The following CREB5 variants were observed in gnomAD, a reference collection of about 807,000 sequenced individuals.
CREB5 encodes cAMP responsive element binding protein 5.
Under a neutral mutation model 57.1 loss-of-function variants are expected in CREB5, and 19 were observed. The ratio of observed to expected loss-of-function variants is 0.33; its 90% CI spans 0.23 to 0.49. The LOEUF is 0.49. Among genes scored for constraint, CREB5 ranks in the 20% least tolerant of loss-of-function variants. The probability of loss-of-function intolerance (pLI) is 0.99; values close to 1 mark genes in which losing one functional copy is unlikely to be tolerated. For synonymous variants in CREB5, 238 were observed against 238.3 expected (o/e 1.00, Z 0.01); for missense variants, 579 against 671.6 (o/e 0.86, Z 1.52).
At chr7:28,434,716 C>G (rs1788874498) in intron 1 of CREB5, among the ~76,000 whole-genome samples, 1 of 152,126 alleles carries the variant, frequency 6.6e-6, no homozygotes, top group Non-Finnish European at 1.5e-5. Context: ...AAGACTATTA[C>G]AGTTTACCTA....
chr7:28,762,778 A>T (rs1805734170), intron 7 of CREB5, among the ~76,000 whole-genome samples: 2 of 151,896 alleles, frequency 1.3e-5, no homozygotes, highest in Non-Finnish European at 2.9e-5. Context: ...CCTCGATACA[A>T]TATGAAACTG....
intron 1 of CREB5, among the ~76,000 whole-genome samples, chr7:28,345,703 G>A (rs1786044988): frequency 6.6e-6 from 1 of 152,204 alleles, no homozygotes; most frequent in Admixed American, 6.5e-5. Context: ...GGCAAGTCGG[G>A]AGGTGATTGG....
At chr7:28,397,379 A>C (rs989536406) in intron 1 of CREB5, among the ~76,000 whole-genome samples, 1 of 152,200 alleles carries the variant, frequency 6.6e-6, no homozygotes, top group South Asian at 2.1e-4. Flanking sequence ...TGGGTCGGAC[A>C]TGAAAAGATA....
chr7:28,560,839 T>TGCGCGTGC (rs1266751699), intron 4 of CREB5, among the ~76,000 whole-genome samples: 3 of 96,456 alleles, frequency 3.1e-5, no homozygotes, highest in African/African-American at 4.2e-5. Context: ...CGCGCGTGTG[T>TGCGCGTGC]GTGTGCGCGT....
In CREB5 at chr7:28,805,542, G is replaced by A. The variant is rs147174784; in HGVS notation, c.1026+1020G>A. On this transcript the variant is annotated intron_variant, in intron 8 of 10. Coordinates refer to ENST00000357727, the MANE Select transcript of CREB5 (RefSeq NM_182898.4). ...CCTCTGGAGACGTGACTTTATACCC[G>A]GCAGCTTTTTGAACTCTTGAGCCCC... Among the ~76,000 whole-genome samples the A allele has an allele frequency of 7.6e-3, 1,159 of 152,154 alleles. 17 individuals carry two copies. The highest frequency in any genetic ancestry group is 0.026 in the African/African-American group (1,069 of 41,470).
intron 8 of CREB5, among the ~76,000 whole-genome samples, chr7:28,805,622 A>G (rs1201333841): frequency 1.3e-5 from 2 of 152,344 alleles, no homozygotes; most frequent in East Asian, 3.9e-4. Context: ...GGTCAGGCAC[A>G]AGCAACTCTC....
At chr7:28,670,388 G>A (rs557846167) in intron 5 of CREB5, among the ~76,000 whole-genome samples, 4 of 152,214 alleles carry the variant, frequency 2.6e-5, no homozygotes, top group Non-Finnish European at 2.9e-5. Context: ...AAACCAAGCT[G>A]TGAATAAGGC....
At chr7:28,517,563 T>C (rs1038740032) in intron 4 of CREB5, among the ~76,000 whole-genome samples, 14 of 152,150 alleles carry the variant, frequency 9.2e-5, no homozygotes, top group East Asian at 3.8e-4. Flanking sequence ...CGGTGGATTT[T>C]CCCCCCTGAA....
chr7:28,449,733 C>T (rs1472734659), intron 1 of CREB5, among the ~76,000 whole-genome samples: 1 of 152,178 alleles, frequency 6.6e-6, no homozygotes, highest in Non-Finnish European at 1.5e-5. Context: ...GGTCGTAACT[C>T]AAGGGCCTCT....
intron 7 of CREB5, among the ~76,000 whole-genome samples, chr7:28,786,108 A>G (rs1807308900): frequency 6.6e-6 from 1 of 152,204 alleles, no homozygotes; most frequent in South Asian, 2.1e-4. Flanking sequence ...ACTCAGTTTC[A>G]TGGCTGCCCA....
At chr7:28,815,731 A>G (rs56189125) in intron 9 of CREB5, among the ~76,000 whole-genome samples, 3,596 of 152,286 alleles carry the variant, frequency 0.024, 115 homozygotes, top group South Asian at 0.15. Flanking sequence ...TGCCCAGGAC[A>G]TAGTGGGGGA....
intron 7 of CREB5, among the ~76,000 whole-genome samples, chr7:28,777,601 C>T (rs147841605): frequency 2.6e-5 from 4 of 152,278 alleles, no homozygotes; most frequent in African/African-American, 9.6e-5. Flanking sequence ...AACACCACTG[C>T]AAAACAATCA....
intron 4 of CREB5, among the ~76,000 whole-genome samples, chr7:28,560,965 TGTGTGTGC>T (rs1252403228): frequency 5.2e-4 from 19 of 36,350 alleles, no homozygotes; most frequent in African/African-American, 8.0e-4. Flanking sequence ...TGTGTGCGTG[TGTGTGTGC>T]GTGTGTGCGT....
intron 4 of CREB5, among the ~76,000 whole-genome samples, chr7:28,537,465 CAA>C (rs56362766): frequency 0.6 from 90,380 of 151,582 alleles, 27,089 homozygotes; most frequent in South Asian, 0.71. Context: ...TCACCTGATG[CAA>C]ATGCCTCAGA....
At chr7:28,421,513 A>T (rs920476972) in intron 1 of CREB5, among the ~76,000 whole-genome samples, 2 of 152,002 alleles carry the variant, frequency 1.3e-5, no homozygotes, top group African/African-American at 4.8e-5. Flanking sequence ...TCTAAACAGG[A>T]CTTTTGCACT....
At chr7:28,618,384 T>A (rs1378810725) in intron 5 of CREB5, among the ~76,000 whole-genome samples, 1 of 152,190 alleles carries the variant, frequency 6.6e-6, no homozygotes, top group African/African-American at 2.4e-5. Context: ...AGAAATGACA[T>A]GTTATTCAAA....
intron 1 of CREB5, among the ~76,000 whole-genome samples, chr7:28,382,222 C>G (rs971303571): frequency 5.9e-5 from 9 of 152,204 alleles, no homozygotes; most frequent in Admixed American, 2.0e-4. Context: ...AGGCCCCCAG[C>G]TGATTGGATG....
At chr7:28,409,440 A>G (rs1667129532), upstream of CREB5, 1 of 156,610 alleles carries the variant, frequency 6.4e-6, no homozygotes, top group Non-Finnish European at 1.4e-5. The surrounding 1 kb of genome is among the most constrained non-coding windows in gnomAD (Gnocchi z 4.4). Flanking sequence ...TCCTAAAAAT[A>G]CGGCTCGGCC....
chr7:28,449,676 G>T (rs949129019), intron 1 of CREB5, among the ~76,000 whole-genome samples: 17 of 152,204 alleles, frequency 1.1e-4, no homozygotes, highest in Non-Finnish European at 2.4e-4. Context: ...ATTCGTGTTT[G>T]TTGCTTGACC....
Sources: gnomAD v4.1 joint callset for allele counts (sites outside exome capture counted in the v4.1 genomes callset) on GRCh38, gnomAD v4.1.1 for gene constraint, Gnocchi (gnomAD v3.1) non-coding constraint, MANE v1.5 for transcripts, NCBI Gene and HGNC (gene_info 2026-07-23, HGNC 2026-07-21) for gene names.